The following DAPK1 variants were observed in gnomAD, a reference collection of about 807,000 sequenced individuals.
DAPK1 encodes death associated protein kinase 1, also known as death-associated protein kinase 1.
DAPK1 carries 56 observed loss-of-function variants against 144.9 expected under a neutral mutation model. The ratio of observed to expected loss-of-function variants is 0.39; its 90% CI spans 0.31 to 0.48. The LOEUF is 0.48. Ranked by LOEUF, DAPK1 falls within the 20% of genes least tolerant of loss-of-function variation. The pLI, the probability that DAPK1 is intolerant of heterozygous loss-of-function variation, is 0.95. For synonymous variants in DAPK1, 690 were observed against 749.0 expected (o/e 0.92, Z 1.29); for missense variants, 1,454 against 1,875.4 (o/e 0.78, Z 4.15).
chr9:87,627,354 T>C (rs538963941), intron 3 of DAPK1, among the ~76,000 whole-genome samples: 1 of 152,338 alleles, frequency 6.6e-6, no homozygotes, highest in East Asian at 1.9e-4. Flanking sequence ...AATAAGACTT[T>C]ACTGAGAGCT....
chr9:87,596,920 A>C (rs1171369763), intron 2 of DAPK1, among the ~76,000 whole-genome samples: 2 of 147,666 alleles, frequency 1.4e-5, no homozygotes, highest in African/African-American at 2.5e-5. Flanking sequence ...AGGTGGTCGC[A>C]TTGAGAGGTT....
At chr9:87,664,731 AGCC>A (rs1830989778) in intron 18 of DAPK1, among the ~76,000 whole-genome samples, 1 of 152,174 alleles carries the variant, frequency 6.6e-6, no homozygotes, top group Non-Finnish European at 1.5e-5. Context: ...GTCCCCACGC[AGCC>A]GCCTGGTCAG....
At chr9:87,542,972 G>A (rs1014482597) in intron 2 of DAPK1, among the ~76,000 whole-genome samples, 2 of 152,132 alleles carry the variant, frequency 1.3e-5, no homozygotes, top group African/African-American at 2.4e-5. Context: ...ATTAATTAGC[G>A]TACTATAGAC....
intron 3 of DAPK1, among the ~76,000 whole-genome samples, chr9:87,637,088 A>G (rs1270654115): frequency 6.0e-5 from 9 of 151,092 alleles, no homozygotes; most frequent in Non-Finnish European, 1.2e-4. Context: ...CTTTTTTTGT[A>G]AATGTATTCT....
chr9:87,684,262 C>T (rs1824749780), intron 20 of DAPK1, among the ~76,000 whole-genome samples: 1 of 152,204 alleles, frequency 6.6e-6, no homozygotes, highest in South Asian at 2.1e-4. Flanking sequence ...CTGAGCATGC[C>T]TCCAGGGACT....
intron 3 of DAPK1, among the ~76,000 whole-genome samples, chr9:87,624,481 G>A (rs1035078410): frequency 2.6e-5 from 4 of 152,184 alleles, no homozygotes; most frequent in African/African-American, 7.2e-5. Context: ...TCTATTGGTC[G>A]AGCAGGCACA....
intron 20 of DAPK1, among the ~76,000 whole-genome samples, chr9:87,682,818 C>T (rs938198725): frequency 1.3e-5 from 2 of 152,130 alleles, no homozygotes; most frequent in Admixed American, 6.5e-5. Flanking sequence ...CTTGAGGGGT[C>T]AGTTGGCTTC....
chr9:87,643,333 C>T (rs3793657), intron 10 of DAPK1, 43 bp from the exon 11 acceptor site: 483,918 of 1,217,890 alleles, frequency 0.4, 109,031 homozygotes, highest in African/African-American at 0.77. Context: ...CTGCCTTTTT[C>T]CTCCCCGCCC....
chr9:87,643,254 G>A (rs117182350), intron 10 of DAPK1, 122 bp from the exon 11 acceptor site: 16 of 604,736 alleles, frequency 2.6e-5, no homozygotes, highest in Non-Finnish European at 4.0e-5. Context: ...CAATGAACAC[G>A]ATCTCGCAGG....
chr9:87,640,941 A>G (rs1425198300), intron 9 of DAPK1, 94 bp downstream of exon 9: 1 of 1,191,536 alleles, frequency 8.4e-7, no homozygotes, highest in African/African-American at 1.5e-5. Context: ...TGCTAACCAC[A>G]GGTCACACCT....
At chr9:87,622,435 C>T (rs1051006754) in intron 3 of DAPK1, among the ~76,000 whole-genome samples, 1 of 152,032 alleles carries the variant, frequency 6.6e-6, no homozygotes, top group African/African-American at 2.4e-5. Context: ...CTCTTACAAA[C>T]CAAGTCTCTG....
chr9:87,571,473 A>ACACACACACACACACCCC lies in DAPK1; in HGVS notation c.63-33480_63-33479insACACACACACACACCCCC, dbSNP rs377253457. 1.7e-3 allele frequency among the ~76,000 whole-genome samples: 100 copies of ACACACACACACACACCCC among 57,480 alleles called. 1 individual carries two copies. The highest frequency in any genetic ancestry group is 2.2e-3 in the Admixed American group (11 of 4,940). The allele number at this position is 57,480 out of a possible 152,430, so 37.7% of individuals were successfully genotyped here. Reference sequence around the variant, plus strand: ...CACACACACACACACACACACACACACCAACACACACACACACACACCCCA... The same window carrying ACACACACACACACACCCC: ...CACACACACACACACACACACACACACACACACACACACACCCCCCAACACACACACACACACACCCCA... On this transcript the variant is annotated intron_variant, in intron 2 of 25. Coordinates refer to ENST00000408954, the MANE Select transcript of DAPK1 (RefSeq NM_004938.4).
rs536445076 is a variant in DAPK1, at chr9:87,673,513, G to A, written c.2001+4839G>A. 9.8e-5 allele frequency among the ~76,000 whole-genome samples: 15 copies of A among 152,316 alleles called. No individual in the cohort carries two copies. In the South Asian group the frequency reaches 2.9e-3, roughly 29 times the overall value. ...AGCAGTGGAAGATGTGCAGGGGAGAGGGACTGGCTGTTTTGATCACTGGAG... is the reference window on the plus strand; with the variant it reads ...AGCAGTGGAAGATGTGCAGGGGAGAAGGACTGGCTGTTTTGATCACTGGAG... On this transcript the variant is annotated intron_variant, in intron 19 of 25. Transcript: ENST00000408954.
At chr9:87,546,533 A>G (rs960094108) in intron 2 of DAPK1, among the ~76,000 whole-genome samples, 1 of 152,172 alleles carries the variant, frequency 6.6e-6, no homozygotes, top group African/African-American at 2.4e-5. Context: ...GTGAGTTTAC[A>G]GTTTCTAGGA....
At chr9:87,531,950 C>G (rs1199906730) in intron 2 of DAPK1, among the ~76,000 whole-genome samples, 1 of 152,180 alleles carries the variant, frequency 6.6e-6, no homozygotes, top group Non-Finnish European at 1.5e-5. Flanking sequence ...TGCTTATGGG[C>G]CTGACTCTTG....
At chr9:87,527,709 G>C (rs1192344299) in intron 2 of DAPK1, among the ~76,000 whole-genome samples, 1 of 152,234 alleles carries the variant, frequency 6.6e-6, no homozygotes, top group African/African-American at 2.4e-5. Flanking sequence ...TCTTTGGACA[G>C]TTTCCAAACA....
chr9:87,503,220 A>G (rs1824472889), intron 2 of DAPK1, among the ~76,000 whole-genome samples: 2 of 151,988 alleles, frequency 1.3e-5, no homozygotes, highest in African/African-American at 4.8e-5. Context: ...TCTAAAATAT[A>G]TATATATGTA....
intron 22 of DAPK1, chr9:87,698,439 G>C (rs36218777): frequency 2.1e-4 from 97 of 451,968 alleles, no homozygotes; most frequent in African/African-American, 1.2e-3. Flanking sequence ...AATTTTCCTT[G>C]TGGCCTAGGA....
intron 3 of DAPK1, among the ~76,000 whole-genome samples, chr9:87,621,338 C>T (rs1048344801): frequency 2.0e-5 from 3 of 152,214 alleles, no homozygotes; most frequent in Non-Finnish European, 2.9e-5. Context: ...ACCCACATCC[C>T]GTTTACAGCG....
Sources: gnomAD v4.1 joint callset for allele counts (sites outside exome capture counted in the v4.1 genomes callset) on GRCh38, gnomAD v4.1.1 for gene constraint, MANE v1.5 for transcripts, NCBI Gene and HGNC (gene_info 2026-07-23, HGNC 2026-07-21) for gene names.